The following KCNIP1 variants were observed in gnomAD, a reference collection of about 807,000 sequenced individuals.
The protein encoded by KCNIP1 is potassium voltage-gated channel interacting protein 1.
A neutral mutation model predicts 33.0 loss-of-function variants in KCNIP1; 18 were observed. The ratio of observed to expected loss-of-function variants is 0.55; its 90% confidence interval spans 0.38 to 0.81. KCNIP1 has a LOEUF of 0.81. Among genes scored for constraint, KCNIP1 ranks in the 30% least tolerant of loss-of-function variants. The pLI is 0.00. For synonymous variants in KCNIP1, 93 were observed against 98.3 expected (o/e 0.95, Z 0.32); for missense variants, 238 against 271.6 (o/e 0.88, Z 0.87).
chr5:170,564,294 A>G (rs1757133405), intron 1 of KCNIP1, among the ~76,000 whole-genome samples: 1 of 152,142 alleles, frequency 6.6e-6, no homozygotes, highest in East Asian at 1.9e-4. Flanking sequence ...ATAGCTTCAC[A>G]CTATTCTCAT....
At chr5:170,724,163 C>T (rs1264196170) in intron 5 of KCNIP1, among the ~76,000 whole-genome samples, 1 of 152,124 alleles carries the variant, frequency 6.6e-6, no homozygotes, top group Non-Finnish European at 1.5e-5. Context: ...AGTTAAAAAC[C>T]ATTCCCAAAT....
At chr5:170,379,334 A>C (rs1554087728) in intron 1 of KCNIP1, among the ~76,000 whole-genome samples, 1 of 152,142 alleles carries the variant, frequency 6.6e-6, no homozygotes, top group Non-Finnish European at 1.5e-5. Flanking sequence ...GTTTCAAAGG[A>C]TATTATGAAA....
rs148910680 is a variant in KCNIP1 at position 170,730,358 on chromosome 5, C to A, written c.436-2442C>A. Among the ~76,000 whole-genome samples the A allele has an allele frequency of 3.1e-3, 472 of 152,210 alleles. 3 individuals are homozygous for A. The highest frequency in any genetic ancestry group is 0.01 in the African/African-American group (424 of 41,534). The stretch of plus-strand genomic sequence containing the variant: ...GAATTCTCCCCATTAATCTATCAGA[C>A]CTCTCTGGAGGGCAGAGTTAATAAA... On this transcript the variant is annotated intron_variant, in intron 5 of 7. Coordinates refer to ENST00000328939, the MANE Select transcript of KCNIP1 (RefSeq NM_014592.4).
rs917512910 is a variant in KCNIP1 at position 170,504,957 on chromosome 5, G to A, written c.61+324G>A. On this transcript the variant is annotated intron_variant, in intron 1 of 7. Transcript: ENST00000328939. The surrounding 1 kb of genome is among the most constrained non-coding windows in gnomAD (Gnocchi z 6.0). ...GGTGACCGGATTCTCTGGTGGAAGT[G>A]TGGTGAAGCTCTTCCCATTCCCATG... is the stretch of plus-strand genomic sequence containing the variant. 6.6e-6 allele frequency among the ~76,000 whole-genome samples: 1 copy of A among 152,214 alleles called. No homozygotes were observed. The highest frequency in any genetic ancestry group is 2.4e-5 in the African/African-American group (1 of 41,442).
chr5:170,449,543 G>C (rs746286894), intron 1 of KCNIP1, among the ~76,000 whole-genome samples: 1 of 152,210 alleles, frequency 6.6e-6, no homozygotes, highest in Non-Finnish European at 1.5e-5. Context: ...GCTGGATGAT[G>C]TGCAAATTGC....
intron 1 of KCNIP1, among the ~76,000 whole-genome samples, chr5:170,456,701 T>TTTTCTTTCTTTCTTTCTTTC (rs147202327): frequency 0.046 from 6,267 of 135,708 alleles, 293 homozygotes; most frequent in South Asian, 0.068. Flanking sequence ...CTCTCTCTCT[T>TTTTCTTTCTTTCTTTCTTTC]TTTCTTTCTT....
At chr5:170,528,977 C>A (rs980470994) in intron 1 of KCNIP1, among the ~76,000 whole-genome samples, 1 of 152,204 alleles carries the variant, frequency 6.6e-6, no homozygotes, top group Non-Finnish European at 1.5e-5. Flanking sequence ...GCCCCATAGT[C>A]TCTTTGTCAG....
At chr5:170,510,288 C>T (rs954934939) in intron 1 of KCNIP1, among the ~76,000 whole-genome samples, 5 of 152,242 alleles carry the variant, frequency 3.3e-5, no homozygotes, top group African/African-American at 1.2e-4. Context: ...CTCTGACTAG[C>T]TTTCAGGCAC....
intron 1 of KCNIP1, among the ~76,000 whole-genome samples, chr5:170,671,087 T>C (rs988265658): frequency 6.6e-6 from 1 of 152,092 alleles, no homozygotes; most frequent in African/African-American, 2.4e-5. Context: ...CCACAATCTC[T>C]GTGTACCTTG....
At chr5:170,450,693 C>T (rs1756228148) in intron 1 of KCNIP1, among the ~76,000 whole-genome samples, 1 of 152,164 alleles carries the variant, frequency 6.6e-6, no homozygotes, top group African/African-American at 2.4e-5. Flanking sequence ...ACCACCTCCG[C>T]CCCGATCCCC....
chr5:170,567,655 C>T (rs1208035615), intron 1 of KCNIP1, among the ~76,000 whole-genome samples: 1 of 152,190 alleles, frequency 6.6e-6, no homozygotes, highest in African/African-American at 2.4e-5. Context: ...AGGAGCCTTT[C>T]TGATCAGAAG....
At chr5:170,579,970 A>G (rs567625924) in intron 1 of KCNIP1, among the ~76,000 whole-genome samples, 2 of 150,312 alleles carry the variant, frequency 1.3e-5, no homozygotes, top group Non-Finnish European at 3.0e-5. Context: ...CCTAAATAGG[A>G]AAGAAAAAAA....
intron 1 of KCNIP1, among the ~76,000 whole-genome samples, chr5:170,697,612 C>A (rs1233022170): frequency 6.6e-6 from 1 of 152,154 alleles, no homozygotes; most frequent in African/African-American, 2.4e-5. Context: ...CAATTTGAAC[C>A]CCATCTGTCT....
intron 1 of KCNIP1, among the ~76,000 whole-genome samples, chr5:170,586,805 G>A (rs62394311): frequency 0.019 from 2,931 of 152,334 alleles, 50 homozygotes; most frequent in Non-Finnish European, 0.032. Flanking sequence ...ACTTCATTGT[G>A]TGTGCTTCTG....
Position 170,619,303 on chromosome 5 carries a change from G to T in KCNIP1, c.62-99455G>T, listed in dbSNP as rs369965382. On this transcript the variant is annotated intron_variant, in intron 1 of 7. Coordinates refer to ENST00000328939, the MANE Select transcript of KCNIP1 (RefSeq NM_014592.4). The stretch of plus-strand genomic sequence containing the variant: ...GGACCCAAGTTCACAGCCTGTCTCT[G>T]GTCATCAGGTATCATGACCTTGGGC... Among the ~76,000 whole-genome samples the T allele has an allele frequency of 5.3e-5, 8 of 152,230 alleles. No homozygotes were observed. In the East Asian group the frequency reaches 7.7e-4, roughly 15 times the overall value.
intron 1 of KCNIP1, among the ~76,000 whole-genome samples, chr5:170,490,012 A>G (rs975274800): frequency 4.6e-5 from 7 of 152,184 alleles, no homozygotes; most frequent in African/African-American, 1.4e-4. Context: ...CTCCCAGCAC[A>G]CTCATCTCCA....
chr5:170,658,307 C>T (rs1421257713), intron 1 of KCNIP1, among the ~76,000 whole-genome samples: 1 of 152,100 alleles, frequency 6.6e-6, no homozygotes, highest in Non-Finnish European at 1.5e-5. Context: ...GCAGGTACTC[C>T]CTGCATAGTC....
chr5:170,545,230 T>C (rs1756367413), intron 1 of KCNIP1, among the ~76,000 whole-genome samples: 1 of 152,228 alleles, frequency 6.6e-6, no homozygotes, highest in African/African-American at 2.4e-5. Flanking sequence ...CAGTGTTTGT[T>C]GAAAAATCCA....
At chr5:170,638,375 G>C (rs1022863388) in intron 1 of KCNIP1, among the ~76,000 whole-genome samples, 5 of 152,160 alleles carry the variant, frequency 3.3e-5, no homozygotes, top group Non-Finnish European at 7.4e-5. Flanking sequence ...AGTCACCTCT[G>C]TATGCCCTGC....
Sources: allele counts gnomAD v4.1 joint callset (sites outside exome capture counted in the v4.1 genomes callset), GRCh38; gene constraint gnomAD v4.1.1; non-coding constraint Gnocchi (gnomAD v3.1); transcripts MANE v1.5; gene names NCBI Gene and HGNC (gene_info 2026-07-23, HGNC 2026-07-21).